Variants in TRAPPC9 observed in about 807,000 individuals in gnomAD.
TRAPPC9 encodes trafficking protein particle complex subunit 9.
In TRAPPC9, 83 loss-of-function variants were observed where a neutral mutation model predicts 124.0. The observed-to-expected ratio is 0.67, with a 90% CI of 0.56 to 0.80. The LOEUF (loss-of-function observed/expected upper bound fraction) is 0.80, where lower values mean the gene tolerates loss of function less well. TRAPPC9 is among the 30% of genes least tolerant of loss of function. TRAPPC9 has a pLI of 0.00. For missense variants in TRAPPC9, 1,302 were observed against 1,508.3 expected (o/e 0.86, Z 2.27); for synonymous variants, 638 against 617.5 (o/e 1.03, Z -0.49).
At chr8:140,340,590 T>C (rs1178124870) in intron 9 of TRAPPC9, among the ~76,000 whole-genome samples, 1 of 152,212 alleles carries the variant, frequency 6.6e-6, no homozygotes, top group Admixed American at 6.5e-5. Flanking sequence ...ACAATCTTCT[T>C]ATTTTTGCAG....
intron 9 of TRAPPC9, among the ~76,000 whole-genome samples, chr8:140,350,207 C>T (rs1213827990): frequency 2.0e-5 from 3 of 152,232 alleles, no homozygotes; most frequent in Non-Finnish European, 2.9e-5. Context: ...AAGCAACAAA[C>T]TTTGCTTTCT....
rs575183332 is a variant in TRAPPC9, at chr8:140,443,176, C to T, written c.585-3979G>A. Among the ~76,000 whole-genome samples the T allele has an allele frequency of 2.0e-3, 292 of 142,794 alleles. 6 individuals are homozygous for T. The highest frequency in any genetic ancestry group is 6.2e-4 in the Non-Finnish European group (41 of 66,136). 93.7% of individuals were successfully genotyped at this position (142,794 alleles called of 152,430 possible). A position where few individuals can be genotyped will look rare whatever the true frequency, so the allele number is the denominator to read the frequency against. On this transcript the variant is annotated intron_variant, in intron 2 of 22. Coordinates refer to ENST00000438773, the MANE Select transcript of TRAPPC9 (RefSeq NM_001160372.4). ...AAAAGCCAGGCGCGGTGGCTCACAC[C>T]TGTAATCCCAGCACTTTGGGAGGCC... is the stretch of plus-strand genomic sequence containing the variant.
chr8:140,297,287 G>A (rs762214378), intron 11 of TRAPPC9, among the ~76,000 whole-genome samples: 8 of 151,996 alleles, frequency 5.3e-5, no homozygotes, highest in Non-Finnish European at 8.8e-5. Context: ...ACTAAAAATG[G>A]CATTTTAAAA....
chr8:140,131,311 A>G (rs919260018), intron 17 of TRAPPC9, among the ~76,000 whole-genome samples: 2 of 152,242 alleles, frequency 1.3e-5, no homozygotes, highest in Non-Finnish European at 2.9e-5. Flanking sequence ...ATTTCCCTGC[A>G]GAAACATTAC....
chr8:139,889,367 A>C (rs574780206), intron 20 of TRAPPC9, among the ~76,000 whole-genome samples: 2 of 152,178 alleles, frequency 1.3e-5, no homozygotes, highest in South Asian at 4.2e-4. Context: ...CTCGGGAGCC[A>C]GTCCCCAGGC....
intron 18 of TRAPPC9, among the ~76,000 whole-genome samples, chr8:140,007,895 A>G (rs1838861038): frequency 6.6e-6 from 1 of 152,214 alleles, no homozygotes; most frequent in African/African-American, 2.4e-5. Flanking sequence ...GGTCCTCTCA[A>G]GACAGACCGG....
intron 21 of TRAPPC9, among the ~76,000 whole-genome samples, chr8:139,833,245 A>T (rs1212328799): frequency 1.3e-5 from 2 of 152,236 alleles, no homozygotes; most frequent in African/African-American, 4.8e-5. Flanking sequence ...ATCCTGGAGC[A>T]GAGAACCTTC....
chr8:140,164,695 G>A (rs1232628053), intron 17 of TRAPPC9, among the ~76,000 whole-genome samples: 1 of 152,162 alleles, frequency 6.6e-6, no homozygotes, highest in Admixed American at 6.5e-5. Flanking sequence ...CAGGCCCACA[G>A]CCTCAGCGAG....
chr8:139,951,407 T>C (rs1834638763), intron 19 of TRAPPC9, among the ~76,000 whole-genome samples: 1 of 152,238 alleles, frequency 6.6e-6, no homozygotes. Flanking sequence ...TTCTGCTGCC[T>C]GGGGGCAGGT....
chr8:140,376,499 T>A (rs1038112831), intron 7 of TRAPPC9, among the ~76,000 whole-genome samples: 12 of 129,488 alleles, frequency 9.3e-5, no homozygotes, highest in African/African-American at 3.7e-4. Context: ...GAACTTGCAG[T>A]GAGCCGGGAT....
intron 17 of TRAPPC9, among the ~76,000 whole-genome samples, chr8:140,148,665 C>T (rs1587809524): frequency 1.3e-5 from 2 of 152,206 alleles, no homozygotes; most frequent in East Asian, 3.9e-4. Flanking sequence ...CCCTAGAAAG[C>T]TTTCCTTTCC....
At chr8:140,012,453 G>C (rs1208814395) in intron 18 of TRAPPC9, among the ~76,000 whole-genome samples, 1 of 152,218 alleles carries the variant, frequency 6.6e-6, no homozygotes, top group Admixed American at 6.5e-5. Flanking sequence ...GAAGGGCGTG[G>C]ACCCCATGCG....
At chr8:139,758,903 G>A (rs972360010) in intron 21 of TRAPPC9, among the ~76,000 whole-genome samples, 1 of 152,224 alleles carries the variant, frequency 6.6e-6, no homozygotes, top group African/African-American at 2.4e-5. Context: ...TCCTCCAGCG[G>A]ACCCTAGCCA....
At chr8:139,900,110 G>C (rs1202250532) in intron 20 of TRAPPC9, among the ~76,000 whole-genome samples, 3 of 152,190 alleles carry the variant, frequency 2.0e-5, no homozygotes, top group Admixed American at 2.0e-4. Flanking sequence ...CTGCTTTTAG[G>C]ACAAAGTCCC....
At chr8:140,253,041 C>T (rs2064165609) in intron 15 of TRAPPC9, 112 bp from the exon 16 acceptor site, 1 of 1,083,072 alleles carries the variant, frequency 9.2e-7, no homozygotes, top group Non-Finnish European at 1.4e-6. Flanking sequence ...AAAAGAAGAG[C>T]TTTTAAAATG....
intron 19 of TRAPPC9, among the ~76,000 whole-genome samples, chr8:139,985,084 A>G (rs1837163085): frequency 6.6e-6 from 1 of 152,244 alleles, no homozygotes; most frequent in Admixed American, 6.5e-5. Flanking sequence ...TTGAATGAAT[A>G]TTTTATGAAT....
chr8:139,926,607 T>TTA (rs376953009), intron 19 of TRAPPC9, among the ~76,000 whole-genome samples: 9 of 140,414 alleles, frequency 6.4e-5, no homozygotes, highest in South Asian at 4.6e-4. Context: ...TGAATTAAAA[T>TTA]AAAAAAAAAA....
At chr8:139,748,605 G>A (rs1819113917) in intron 21 of TRAPPC9, among the ~76,000 whole-genome samples, 1 of 151,964 alleles carries the variant, frequency 6.6e-6, no homozygotes, top group African/African-American at 2.4e-5. Context: ...GGAGTACTGA[G>A]GGGCTGCAGC....
intron 18 of TRAPPC9, among the ~76,000 whole-genome samples, chr8:139,989,044 T>A (rs1050381273): frequency 6.6e-6 from 1 of 152,146 alleles, no homozygotes; most frequent in African/African-American, 2.4e-5. Flanking sequence ...CAGGTCCTCA[T>A]CAGGTCCTCC....
Sources: allele counts gnomAD v4.1 joint callset (sites outside exome capture counted in the v4.1 genomes callset), GRCh38; gene constraint gnomAD v4.1.1; transcripts MANE v1.5; gene names NCBI Gene and HGNC (gene_info 2026-07-23, HGNC 2026-07-21).